SGCD: variants seen among roughly 807,000 people sequenced by gnomAD.
SGCD encodes delta-sarcoglycan.
Under a neutral mutation model 36.6 loss-of-function variants are expected in SGCD, and 18 were observed. The observed-to-expected ratio is 0.49, with a 90% CI of 0.34 to 0.73. The LOEUF (loss-of-function observed/expected upper bound fraction) is 0.73, where lower values mean the gene tolerates loss of function less well. Ranked by LOEUF, SGCD falls within the 30% of genes least tolerant of loss-of-function variation. The probability of loss-of-function intolerance (pLI) is 0.01; values close to 1 mark genes in which losing one functional copy is unlikely to be tolerated. For synonymous variants in SGCD, 133 were observed against 130.6 expected, an observed-to-expected ratio of 1.02 and a Z score of -0.12; for missense variants, 387 against 346.7, an observed-to-expected ratio of 1.12 and a Z score of -0.92.
chr5:155,923,733 A>G (rs944700890), intron 1 of SGCD, among the ~76,000 whole-genome samples: 1 of 152,210 alleles, frequency 6.6e-6, no homozygotes, highest in African/African-American at 2.4e-5. Context: ...TACCAAGAAC[A>G]CTTAGTATTT....
chr5:156,608,489 G>A lies in SGCD; in HGVS notation c.502+13438G>A, dbSNP rs148232528. On this transcript the variant is annotated intron_variant, in intron 6 of 8. Coordinates refer to ENST00000337851, the MANE Select transcript of SGCD (RefSeq NM_000337.6). ...CTATGTGGTCAATTTTGGAACAGGTGTGGTGTGGTTCTGAGAAGAATGTAT... is the reference window on the plus strand; with the variant it reads ...CTATGTGGTCAATTTTGGAACAGGTATGGTGTGGTTCTGAGAAGAATGTAT... Among the ~76,000 whole-genome samples, 374 of 152,358 alleles carry A rather than the reference G, an allele frequency of 2.5e-3. 1 individual carries two copies. Among genetic ancestry groups the A allele is most frequent in the Middle Eastern group, 0.01 (3 of 294 alleles).
intron 1 of SGCD, among the ~76,000 whole-genome samples, chr5:156,081,361 A>G (rs1760946951): frequency 6.6e-6 from 1 of 152,094 alleles, no homozygotes; most frequent in Non-Finnish European, 1.5e-5. Flanking sequence ...ACAATTCAAC[A>G]TGAGATTTGG....
intron 4 of SGCD, among the ~76,000 whole-genome samples, chr5:156,547,634 G>T (rs773391856): frequency 4.6e-5 from 7 of 152,072 alleles, no homozygotes; most frequent in Non-Finnish European, 2.9e-5. Flanking sequence ...GGTAGAGACA[G>T]GGTTTCACCA....
intron 6 of SGCD, among the ~76,000 whole-genome samples, chr5:156,609,141 G>A (rs1452516249): frequency 1.3e-5 from 2 of 152,076 alleles, no homozygotes; most frequent in African/African-American, 4.8e-5. Flanking sequence ...TCCTAGTCTC[G>A]ATGGTCCTTA....
At chr5:155,968,467 C>G (rs1292997516) in intron 1 of SGCD, among the ~76,000 whole-genome samples, 2 of 151,994 alleles carry the variant, frequency 1.3e-5, no homozygotes, top group African/African-American at 4.8e-5. Flanking sequence ...GAGTAGAGTA[C>G]AATAAAATAT....
chr5:156,387,317 A>C (rs1771326085), intron 3 of SGCD, among the ~76,000 whole-genome samples: 1 of 152,222 alleles, frequency 6.6e-6, no homozygotes, highest in African/African-American at 2.4e-5. Flanking sequence ...TGCAGTATTG[A>C]ACACCGGATT....
chr5:156,502,265 C>G (rs2127864765), intron 3 of SGCD, among the ~76,000 whole-genome samples: 1 of 152,158 alleles, frequency 6.6e-6, no homozygotes, highest in East Asian at 1.9e-4. Flanking sequence ...CCAGGATGGT[C>G]TCGATCTCCT....
chr5:156,150,434 A>G (rs1196406601), intron 3 of SGCD, among the ~76,000 whole-genome samples: 1 of 151,572 alleles, frequency 6.6e-6, no homozygotes, highest in Non-Finnish European at 1.5e-5. Context: ...CTGCGATCAG[A>G]CCTTGAATTC....
chr5:156,630,224 G>C (rs1435146875), intron 6 of SGCD, among the ~76,000 whole-genome samples: 1 of 152,124 alleles, frequency 6.6e-6, no homozygotes, highest in Non-Finnish European at 1.5e-5. Flanking sequence ...CCAAAGACTG[G>C]AAATCTAAAC....
intron 2 of SGCD, among the ~76,000 whole-genome samples, chr5:156,335,868 G>T (rs1164360539): frequency 6.6e-6 from 1 of 152,142 alleles, no homozygotes; most frequent in East Asian, 1.9e-4. Flanking sequence ...CCTGTCTATA[G>T]GCCTGGGCCA....
intron 6 of SGCD, among the ~76,000 whole-genome samples, chr5:156,644,738 G>A (rs1368835594): frequency 6.6e-6 from 1 of 152,040 alleles, no homozygotes; most frequent in African/African-American, 2.4e-5. Flanking sequence ...AATAATTGGG[G>A]AAATCCAAAA....
intron 3 of SGCD, among the ~76,000 whole-genome samples, chr5:156,414,418 T>A (rs993078933): frequency 2.0e-5 from 3 of 152,338 alleles, no homozygotes; most frequent in Non-Finnish European, 2.9e-5. Context: ...ATGAGGTAGA[T>A]CTAGATAAAA....
the SGCD span, among the ~76,000 whole-genome samples, chr5:155,825,739 T>TTTG: frequency 1.4e-4 from 20 of 144,776 alleles, no homozygotes; most frequent in African/African-American, 2.6e-4. Context: ...TTTTTTTTTT[T>TTTG]TTGTTGTTGT....
intron 4 of SGCD, among the ~76,000 whole-genome samples, chr5:156,512,693 C>A (rs1438977405): frequency 6.6e-6 from 1 of 152,198 alleles, no homozygotes; most frequent in Non-Finnish European, 1.5e-5. Flanking sequence ...TCACATGAAA[C>A]CACCACAATC....
intron 3 of SGCD, among the ~76,000 whole-genome samples, chr5:156,349,493 A>G (rs1411148097): frequency 6.6e-6 from 1 of 152,152 alleles, no homozygotes; most frequent in Non-Finnish European, 1.5e-5. Context: ...AACATAAAAA[A>G]AGTACAACAG....
intron 3 of SGCD, among the ~76,000 whole-genome samples, chr5:156,176,279 T>C (rs1763470657): frequency 6.6e-6 from 1 of 152,234 alleles, no homozygotes; most frequent in Middle Eastern, 3.4e-3. Flanking sequence ...TATATTTTAA[T>C]ATGCCAGAGT....
intron 4 of SGCD, among the ~76,000 whole-genome samples, chr5:156,527,503 A>G (rs1267630353): frequency 2.0e-5 from 3 of 152,142 alleles, no homozygotes; most frequent in African/African-American, 4.8e-5. Context: ...CTAGCAGCCT[A>G]GTGTTAGAGA....
intron 3 of SGCD, among the ~76,000 whole-genome samples, chr5:156,286,439 G>T (rs989351461): frequency 1.3e-5 from 2 of 152,190 alleles, no homozygotes; most frequent in Non-Finnish European, 2.9e-5. Flanking sequence ...GTCCAACAAT[G>T]ATAGACTGGA....
intron 1 of SGCD, among the ~76,000 whole-genome samples, chr5:155,964,869 A>G (rs909200285): frequency 3.3e-5 from 5 of 152,104 alleles, no homozygotes; most frequent in African/African-American, 4.8e-5. Flanking sequence ...AGGTCATTCA[A>G]CGCCTGCATG....
Sources: allele counts gnomAD v4.1 joint callset (sites outside exome capture counted in the v4.1 genomes callset), GRCh38; gene constraint gnomAD v4.1.1; transcripts MANE v1.5; gene names NCBI Gene and HGNC (gene_info 2026-07-23, HGNC 2026-07-21).